CAST: variants seen among roughly 807,000 people sequenced by gnomAD.
CAST encodes the protein calpastatin, also known as MIR583 host.
A neutral mutation model predicts 119.6 loss-of-function variants in CAST; 76 were observed. The ratio of observed to expected loss-of-function variants is 0.64; its 90% CI spans 0.53 to 0.77. The LOEUF (loss-of-function observed/expected upper bound fraction) is 0.77, where lower values mean the gene tolerates loss of function less well. Among genes scored for constraint, CAST ranks in the 30% least tolerant of loss-of-function variants. The probability of loss-of-function intolerance (pLI) is 0.00; values close to 1 mark genes in which losing one functional copy is unlikely to be tolerated. For synonymous variants in CAST, 319 were observed against 331.6 expected, an observed-to-expected ratio of 0.96 and a Z score of 0.41; for missense variants, 953 against 946.5, an observed-to-expected ratio of 1.01 and a Z score of -0.09.
At chr5:96,324,826 T>A in the CAST span, among the ~76,000 whole-genome samples, 1 of 152,130 alleles carries the variant, frequency 6.6e-6, no homozygotes, top group Non-Finnish European at 1.5e-5. Flanking sequence ...TCCACTTAAG[T>A]TTTATGAAGT....
At chr5:96,713,227 G>A (rs1283932214) in intron 3 of CAST, among the ~76,000 whole-genome samples, 1 of 151,002 alleles carries the variant, frequency 6.6e-6, no homozygotes, top group African/African-American at 2.4e-5. Flanking sequence ...TGCCTCCTGA[G>A]TTCAAGTGAT....
the CAST span, among the ~76,000 whole-genome samples, chr5:96,321,401 C>G: frequency 1.3e-5 from 2 of 152,208 alleles, no homozygotes; most frequent in Non-Finnish European, 2.9e-5. Flanking sequence ...AGCCTGCAAA[C>G]TCATAAAACA....
At chr5:96,226,767 C>T in the CAST span, among the ~76,000 whole-genome samples, 4 of 152,172 alleles carry the variant, frequency 2.6e-5, no homozygotes, top group Non-Finnish European at 5.9e-5. Context: ...TTAACTTTCT[C>T]CCCCACTTGT....
At chr5:96,000,857 G>A in the CAST span, among the ~76,000 whole-genome samples, 1 of 152,078 alleles carries the variant, frequency 6.6e-6, no homozygotes, top group African/African-American at 2.4e-5. Flanking sequence ...TTATCTTTTT[G>A]TAAAAAAACG....
the CAST span, among the ~76,000 whole-genome samples, chr5:96,426,222 G>A: frequency 6.6e-6 from 1 of 152,132 alleles, no homozygotes; most frequent in African/African-American, 2.4e-5. Context: ...AGTTCAGTCT[G>A]CTTTCATCAG....
chr5:96,338,736 G>A, the CAST span, among the ~76,000 whole-genome samples: 1 of 152,192 alleles, frequency 6.6e-6, no homozygotes, highest in Admixed American at 6.5e-5. Flanking sequence ...CAGAGGCCAG[G>A]GGTTTTTGGA....
the CAST span, among the ~76,000 whole-genome samples, chr5:96,102,095 T>C: frequency 6.6e-6 from 1 of 152,062 alleles, no homozygotes; most frequent in Non-Finnish European, 1.5e-5. Context: ...TCCCTTGTTG[T>C]GTGGGGTGGC....
intron 1 of CAST, among the ~76,000 whole-genome samples, chr5:96,631,876 C>T (rs964975779): frequency 4.6e-5 from 7 of 152,128 alleles, no homozygotes; most frequent in Middle Eastern, 3.4e-3. Context: ...GTGGAATTGC[C>T]GGGTCATATG....
chr5:96,423,690 A>T, the CAST span, among the ~76,000 whole-genome samples: 5 of 152,212 alleles, frequency 3.3e-5, no homozygotes, highest in Non-Finnish European at 7.3e-5. Context: ...TGAAAAGATG[A>T]ATCACCTGTG....
At chr5:96,096,562 C>T in the CAST span, among the ~76,000 whole-genome samples, 1 of 152,218 alleles carries the variant, frequency 6.6e-6, no homozygotes, top group South Asian at 2.1e-4. Flanking sequence ...AATTCTTAGT[C>T]ACTACCCAAA....
At chr5:96,508,166 T>C in the CAST span, among the ~76,000 whole-genome samples, 1 of 151,968 alleles carries the variant, frequency 6.6e-6, no homozygotes, top group Admixed American at 6.6e-5. Context: ...TGGTGTGTTT[T>C]TTTGTTGTGT....
the CAST span, among the ~76,000 whole-genome samples, chr5:96,455,397 C>A: frequency 2.7e-4 from 41 of 152,270 alleles, no homozygotes; most frequent in East Asian, 7.1e-3. Flanking sequence ...TTATTTTGGG[C>A]AAACTCTAAA....
the CAST span, among the ~76,000 whole-genome samples, chr5:96,238,876 A>G: frequency 6.6e-6 from 1 of 152,216 alleles, no homozygotes; most frequent in Non-Finnish European, 1.5e-5. Flanking sequence ...GTTGGATTGA[A>G]AATGATTGTA....
intron 3 of CAST, among the ~76,000 whole-genome samples, chr5:96,711,627 T>A (rs1272167212): frequency 6.6e-6 from 1 of 152,186 alleles, no homozygotes; most frequent in African/African-American, 2.4e-5. Context: ...TAACTTACCC[T>A]AGGTCACTAC....
chr5:96,491,201 C>T, the CAST span, among the ~76,000 whole-genome samples: 1 of 151,898 alleles, frequency 6.6e-6, no homozygotes, highest in African/African-American at 2.4e-5. Flanking sequence ...ATTAAAAAGA[C>T]CAGGCCGGGC....
chr5:96,669,707 G>A (rs1749810666), intron 1 of CAST, among the ~76,000 whole-genome samples: 1 of 152,196 alleles, frequency 6.6e-6, no homozygotes, highest in Non-Finnish European at 1.5e-5. Context: ...ACCAATCAGA[G>A]TTTACCCAGG....
At chr5:96,445,580 T>TA in the CAST span, among the ~76,000 whole-genome samples, 7 of 152,290 alleles carry the variant, frequency 4.6e-5, no homozygotes, top group Middle Eastern at 3.4e-3. Context: ...TCATAGATTT[T>TA]AAAAAATCTT....
intron 11 of CAST, among the ~76,000 whole-genome samples, chr5:96,739,050 A>G (rs867884290): frequency 1.3e-5 from 2 of 152,212 alleles, no homozygotes; most frequent in African/African-American, 4.8e-5. Flanking sequence ...AGACAACCCA[A>G]TAGAAAATCG....
At chr5:96,397,342 T>C in the CAST span, 2 of 1,613,146 alleles carry the variant, frequency 1.2e-6, no homozygotes, top group Non-Finnish European at 8.5e-7. Flanking sequence ...TTACCATGTC[T>C]GTAATTCTCA....
Sources: allele counts gnomAD v4.1 joint callset (sites outside exome capture counted in the v4.1 genomes callset), GRCh38; gene constraint gnomAD v4.1.1; transcripts MANE v1.5; gene names NCBI Gene and HGNC (gene_info 2026-07-23, HGNC 2026-07-21).